PCOLCE2: variants seen among roughly 807,000 people sequenced by gnomAD.
PCOLCE2 encodes procollagen C-endopeptidase enhancer 2, also known as procollagen C-proteinase enhancer 2.
Under a neutral mutation model 47.0 loss-of-function variants are expected in PCOLCE2, and 42 were observed. The ratio of observed to expected loss-of-function variants is 0.89; its 90% CI spans 0.70 to 1.16. The LOEUF (loss-of-function observed/expected upper bound fraction) is 1.16. PCOLCE2 is among the 50% of genes most tolerant of loss of function. The pLI, the probability that PCOLCE2 is intolerant of heterozygous loss-of-function variation, is 0.00. For synonymous variants in PCOLCE2, 169 were observed against 191.7 expected (o/e 0.88, Z 0.98); for missense variants, 500 against 526.1 (o/e 0.95, Z 0.49).
In PCOLCE2 at chr3:142,818,151, CA is replaced by C. The variant is rs1461367915; in HGVS notation, c.*183del. The C allele has an allele frequency of 5.8e-6, 3 of 513,580 alleles. No individual in the cohort carries two copies. Among genetic ancestry groups the C allele is most frequent in the African/African-American group, 1.9e-5 (1 of 51,754 alleles). 31.8% of individuals were successfully genotyped at this position (513,580 alleles called of 1,614,324 possible). A position where few individuals can be genotyped will look rare whatever the true frequency, so the allele number is the denominator to read the frequency against. On this transcript the variant is annotated 3_prime_UTR_variant, in exon 9 of 9. Coordinates refer to ENST00000295992, the MANE Select transcript of PCOLCE2 (RefSeq NM_013363.4). ...AGATAGCTGCTCCTCTGACAGCAGG[CA>C]AAGAACTTCCCTCAGCTATCTCGGA...
chr3:142,836,645 T>C (rs1304915733), intron 5 of PCOLCE2, among the ~76,000 whole-genome samples: 1 of 152,230 alleles, frequency 6.6e-6, no homozygotes, highest in African/African-American at 2.4e-5. Context: ...TTGAAATTAC[T>C]TTTTAAAGGT....
At chr3:142,870,688 T>A (rs960172546) in intron 2 of PCOLCE2, among the ~76,000 whole-genome samples, 1 of 151,906 alleles carries the variant, frequency 6.6e-6, no homozygotes, top group Non-Finnish European at 1.5e-5. Flanking sequence ...TTTATTGCCA[T>A]TATCAGTGAA....
At chr3:142,827,229 C>T (rs1937090837) in intron 6 of PCOLCE2, 1 of 1,226,868 alleles carries the variant, frequency 8.2e-7, no homozygotes, top group African/African-American at 1.5e-5. Flanking sequence ...TGGTGGTTGC[C>T]ACCTCCAAAA....
chr3:142,888,509 T>A, intron 1 of PCOLCE2: 1 of 328,276 alleles, frequency 3.0e-6, no homozygotes, highest in East Asian at 4.6e-5. Flanking sequence ...TCTGGCCCCA[T>A]AGACACGAGG....
intron 2 of PCOLCE2, among the ~76,000 whole-genome samples, chr3:142,864,739 T>C (rs1451153925): frequency 6.6e-6 from 1 of 152,222 alleles, no homozygotes; most frequent in Non-Finnish European, 1.5e-5. Context: ...TTTCTGGACA[T>C]TCATATGAAT....
intron 6 of PCOLCE2, chr3:142,826,985 C>T (rs1047836335): frequency 1.7e-5 from 10 of 600,466 alleles, no homozygotes; most frequent in African/African-American, 9.4e-5. Context: ...TCCTCCTGCC[C>T]TCAATCTCTG....
intron 2 of PCOLCE2, among the ~76,000 whole-genome samples, chr3:142,882,820 T>C (rs761215270): frequency 6.6e-6 from 1 of 152,184 alleles, no homozygotes; most frequent in Non-Finnish European, 1.5e-5. Flanking sequence ...ATTCCAGCGA[T>C]CTCTGCATAA....
intron 2 of PCOLCE2, among the ~76,000 whole-genome samples, chr3:142,859,503 T>C (rs1011523296): frequency 6.6e-6 from 1 of 152,100 alleles, no homozygotes; most frequent in Non-Finnish European, 1.5e-5. Context: ...TGGAATTTCA[T>C]CTGATAAGTC....
intron 3 of PCOLCE2, among the ~76,000 whole-genome samples, 153 bp downstream of exon 3, chr3:142,848,064 G>A: frequency 6.6e-6 from 1 of 152,186 alleles, no homozygotes; most frequent in East Asian, 1.9e-4. Flanking sequence ...TAAATTAAAA[G>A]GCTGATTTTT....
At chr3:142,847,099 A>T (rs1239045365) in intron 3 of PCOLCE2, among the ~76,000 whole-genome samples, 1 of 152,204 alleles carries the variant, frequency 6.6e-6, no homozygotes, top group Non-Finnish European at 1.5e-5. Flanking sequence ...TTGTTCTAGC[A>T]GGCATTTAAC....
intron 3 of PCOLCE2, 108 bp downstream of exon 3, chr3:142,848,109 T>G (rs1426279862): frequency 3.5e-6 from 4 of 1,142,826 alleles, no homozygotes; most frequent in Middle Eastern, 2.8e-4. Flanking sequence ...TGGCATTCAC[T>G]AGCTCTTTGA....
intron 2 of PCOLCE2, among the ~76,000 whole-genome samples, chr3:142,879,026 C>T (rs572214917): frequency 4.5e-4 from 68 of 152,234 alleles, no homozygotes; most frequent in Non-Finnish European, 7.5e-4. Context: ...CATAATTTCA[C>T]ATCATAAATT....
intron 6 of PCOLCE2, 39 bp downstream of exon 6, chr3:142,829,653 C>T: frequency 1.3e-6 from 2 of 1,501,512 alleles, no homozygotes; most frequent in Non-Finnish European, 9.0e-7. Context: ...TCTTATACTC[C>T]TAAAGTTTTT....
At chr3:142,858,834 G>T (rs1056623056) in intron 2 of PCOLCE2, among the ~76,000 whole-genome samples, 22 of 152,066 alleles carry the variant, frequency 1.4e-4, no homozygotes, top group Non-Finnish European at 2.9e-5. Context: ...CTGAAACAAA[G>T]TACTTAAGTC....
chr3:142,887,613 C>T, intron 2 of PCOLCE2, 56 bp downstream of exon 2: 2 of 872,474 alleles, frequency 2.3e-6, no homozygotes, highest in Non-Finnish European at 3.9e-6. Flanking sequence ...AGGCAGCAGC[C>T]TCACACTGTT....
chr3:142,885,462 C>T (rs924933583), intron 2 of PCOLCE2, among the ~76,000 whole-genome samples: 15 of 152,158 alleles, frequency 9.9e-5, no homozygotes, highest in Admixed American at 6.5e-5. Flanking sequence ...GACCAACCAG[C>T]GTGGGAAAAA....
At chr3:142,856,104 C>T (rs897527695) in intron 2 of PCOLCE2, among the ~76,000 whole-genome samples, 3 of 152,156 alleles carry the variant, frequency 2.0e-5, no homozygotes, top group African/African-American at 7.2e-5. Flanking sequence ...CCAAGCAAGC[C>T]AACACAGGCT....
chr3:142,879,733 G>A (rs1328906049), intron 2 of PCOLCE2, among the ~76,000 whole-genome samples: 2 of 152,292 alleles, frequency 1.3e-5, no homozygotes, highest in East Asian at 3.9e-4. Flanking sequence ...ACTTTGGGAG[G>A]CCGAGGAGGG....
At chr3:142,868,997 A>C (rs1327510243) in intron 2 of PCOLCE2, among the ~76,000 whole-genome samples, 3 of 152,172 alleles carry the variant, frequency 2.0e-5, no homozygotes, top group Non-Finnish European at 4.4e-5. Context: ...ATTAATATTA[A>C]AACAGAGACC....
Sources: allele counts gnomAD v4.1 joint callset (sites outside exome capture counted in the v4.1 genomes callset), GRCh38; gene constraint gnomAD v4.1.1; transcripts MANE v1.5; gene names NCBI Gene and HGNC (gene_info 2026-07-23, HGNC 2026-07-21).